CMTR1: variants seen among roughly 807,000 people sequenced by gnomAD.
CMTR1 encodes cap-specific mRNA (nucleoside-2'-O-)-methyltransferase 1.
In CMTR1, 39 loss-of-function variants were observed where a neutral mutation model predicts 107.0. The observed-to-expected ratio is 0.36, with a 90% CI of 0.28 to 0.48. The LOEUF is 0.48. Ranked by LOEUF, CMTR1 falls within the 20% of genes least tolerant of loss-of-function variation. The pLI is 0.99. For synonymous variants in CMTR1, 366 were observed against 379.5 expected (o/e 0.96, Z 0.41); for missense variants, 672 against 1,064.9 (o/e 0.63, Z 5.14).
At chr6:37,471,809 T>G in intron 14 of CMTR1, 38 bp from the exon 15 acceptor site, 2 of 1,608,316 alleles carry the variant, frequency 1.2e-6, no homozygotes, top group Non-Finnish European at 8.5e-7. Flanking sequence ...CCTGTGCCTC[T>G]TAGAGATTTT....
the CMTR1 span, among the ~76,000 whole-genome samples, chr6:37,426,381 T>C: frequency 6.6e-6 from 1 of 152,208 alleles, no homozygotes; most frequent in Non-Finnish European, 1.5e-5. Context: ...GACATATGCA[T>C]CTAAGATGGT....
intron 5 of CMTR1, 33 bp downstream of exon 5, chr6:37,450,376 T>C: frequency 6.5e-7 from 1 of 1,530,738 alleles, no homozygotes; most frequent in African/African-American, 1.4e-5. Flanking sequence ...CCTGACTTCT[T>C]GGCATTCTCT....
At position 37,473,559 on chromosome 6, in the gene CMTR1, C is replaced by T. The variant is rs761403915; in HGVS notation, c.1779C>T (p.Cys593=). The change falls in exon 17 of 24, where the codon TGC becomes TGT. Residue 593 remains cysteine (C), a synonymous_variant. Coordinates refer to ENST00000373451, the MANE Select transcript of CMTR1 (RefSeq NM_015050.3). Reference sequence around the variant, plus strand: ...TCCGCCCTGTGTTTGACTACCGCTGCATGGTATCTGGCAGTGAGCAGAAGT... The same window carrying T: ...TCCGCCCTGTGTTTGACTACCGCTGTATGGTATCTGGCAGTGAGCAGAAGT... The part of the protein sequence containing the change: ...EKIRPVFDYR[C]MVSGSEQKFL... 6.2e-7 allele frequency: 1 copy of T among 1,614,140 alleles called. No homozygotes were observed. The highest frequency in any genetic ancestry group is 8.5e-7 in the Non-Finnish European group (1 of 1,180,010).
chr6:37,469,924 T>G (rs895409213), intron 13 of CMTR1, among the ~76,000 whole-genome samples: 2 of 151,944 alleles, frequency 1.3e-5, no homozygotes, highest in Non-Finnish European at 2.9e-5. Context: ...TGATCTGTTT[T>G]TTTTTTTCAC....
At chr6:37,426,219 T>C in the CMTR1 span, among the ~76,000 whole-genome samples, 5 of 152,226 alleles carry the variant, frequency 3.3e-5, no homozygotes, top group Non-Finnish European at 1.5e-5. Context: ...CTTTAGTTCT[T>C]TGAGCATCTT....
intron 4 of CMTR1, among the ~76,000 whole-genome samples, chr6:37,447,598 C>A (rs1285204254): frequency 6.6e-6 from 1 of 152,218 alleles, no homozygotes; most frequent in Non-Finnish European, 1.5e-5. Flanking sequence ...TGGTGGCTTA[C>A]GCCTATAATC....
rs7766926 is a variant in CMTR1, at chr6:37,439,380, C to G, written c.133+3618C>G. Among the ~76,000 whole-genome samples the G allele has an allele frequency of 2.2e-3, 335 of 152,338 alleles. 1 individual carries two copies. Among genetic ancestry groups the G allele is most frequent in the African/African-American group, 7.6e-3 (314 of 41,574 alleles). On this transcript the variant is annotated intron_variant, in intron 2 of 23. Transcript: ENST00000373451. Reference sequence around the variant, plus strand: ...TCTAGACCCTAAGAAAATTCCTTCTCTCCTTAGCTGTGCATCTGGTGTAGG... The same window carrying G: ...TCTAGACCCTAAGAAAATTCCTTCTGTCCTTAGCTGTGCATCTGGTGTAGG...
At chr6:37,476,090 T>G (rs751431824) in intron 19 of CMTR1, 36 bp from the exon 20 acceptor site, 1 of 1,609,014 alleles carries the variant, frequency 6.2e-7, no homozygotes, top group African/African-American at 1.3e-5. Flanking sequence ...GGAGGCATCC[T>G]TGGCTTGCCT....
At chr6:37,471,759 C>A in intron 14 of CMTR1, 88 bp from the exon 15 acceptor site, 1 of 1,165,132 alleles carries the variant, frequency 8.6e-7, no homozygotes, top group Non-Finnish European at 1.3e-6. Flanking sequence ...TTCATTCAGG[C>A]CTCCTCTCTA....
chr6:37,476,955 T>C (rs1761751028), intron 20 of CMTR1, among the ~76,000 whole-genome samples: 1 of 152,278 alleles, frequency 6.6e-6, no homozygotes, highest in Non-Finnish European at 1.5e-5. Flanking sequence ...TAAAATGTCC[T>C]GTCTGCTAGG....
At chr6:37,462,238 G>T (rs1303500543) in intron 12 of CMTR1, 136 bp downstream of exon 12, 3 of 1,019,002 alleles carry the variant, frequency 2.9e-6, no homozygotes, top group African/African-American at 3.2e-5. Context: ...GAGCCAACAG[G>T]ATTCAGGATT....
chr6:37,477,452 G>A (rs1004983403), intron 20 of CMTR1, 140 bp from the exon 21 acceptor site: 24 of 738,524 alleles, frequency 3.2e-5, no homozygotes, highest in African/African-American at 1.4e-4. Flanking sequence ...TGGTGTCCTC[G>A]CTGCCGGTGG....
In CMTR1 at chr6:37,481,057, A is replaced by G. The variant is rs937672071; in HGVS notation, c.*912A>G. 1.5e-6 allele frequency: 2 copies of G among 1,304,184 alleles called. No individual in the cohort carries two copies. Among genetic ancestry groups the G allele is most frequent in the African/African-American group, 3.0e-5 (2 of 65,870 alleles). The allele number at this position is 1,304,184 out of a possible 1,614,324, so 80.8% of individuals were successfully genotyped here. On this transcript the variant is annotated 3_prime_UTR_variant, in exon 24 of 24. Coordinates refer to ENST00000373451, the MANE Select transcript of CMTR1 (RefSeq NM_015050.3). ...GCCATAGCCGCTCTAGGGTCTTGGCAGAATTCTGAGCTTGAAGTGCAGCTC... is the reference window on the plus strand; with the variant it reads ...GCCATAGCCGCTCTAGGGTCTTGGCGGAATTCTGAGCTTGAAGTGCAGCTC...
intron 10 of CMTR1, among the ~76,000 whole-genome samples, chr6:37,460,124 GT>G (rs1761370416): frequency 6.6e-6 from 1 of 152,222 alleles, no homozygotes; most frequent in African/African-American, 2.4e-5. Context: ...CTCTCACCCA[GT>G]AATCTGACAA....
intron 5 of CMTR1, among the ~76,000 whole-genome samples, chr6:37,451,009 G>A (rs769849872): frequency 2.6e-5 from 4 of 151,998 alleles, no homozygotes; most frequent in Non-Finnish European, 5.9e-5. Context: ...GACAGATGCT[G>A]AAGAAATTTG....
rs183699274 is a variant in CMTR1 at position 37,459,545 on chromosome 6, A to G, written c.977-21A>G. The G allele has an allele frequency of 3.6e-4, 578 of 1,602,926 alleles. 10 individuals are homozygous for G. The East Asian group carries it at 0.012, about 32-fold the overall frequency. The stretch of plus-strand genomic sequence containing the variant: ...CATGTATAGGGCAGATGAACTCACT[A>G]TGACTCTTGTATTCTGACAGGTGAG... On this transcript the variant is annotated intron_variant, in intron 9 of 23. Coordinates refer to ENST00000373451, the MANE Select transcript of CMTR1 (RefSeq NM_015050.3).
intron 8 of CMTR1, among the ~76,000 whole-genome samples, chr6:37,457,686 A>G (rs1408238680): frequency 6.6e-6 from 1 of 152,234 alleles, no homozygotes; most frequent in Non-Finnish European, 1.5e-5. Context: ...ATCAAAAATT[A>G]TTCCAAAATA....
chr6:37,481,200 G>A lies in CMTR1; in HGVS notation c.*1055G>A. The A allele has an allele frequency of 7.7e-7, 1 of 1,303,442 alleles. No homozygotes were observed. Among genetic ancestry groups the A allele is most frequent in the Non-Finnish European group, 1.0e-6 (1 of 988,688 alleles). 80.7% of individuals were successfully genotyped at this position (1,303,442 alleles called of 1,614,324 possible). ...TTGGCCGACAACACAGAGAGGAGGG[G>A]GAGCTGGGCAGTAGCTTGGGGTGGG... On this transcript the variant is annotated 3_prime_UTR_variant, in exon 24 of 24. Coordinates refer to ENST00000373451, the MANE Select transcript of CMTR1 (RefSeq NM_015050.3).
chr6:37,480,255 A>G lies in CMTR1; in HGVS notation c.*110A>G, dbSNP rs1761827909. 1 of 1,515,768 alleles carries G rather than the reference A, an allele frequency of 6.6e-7. No homozygotes were observed. The highest frequency in any genetic ancestry group is 1.4e-5 in the African/African-American group (1 of 69,596). The allele number at this position is 1,515,768 out of a possible 1,614,324, so 93.9% of individuals were successfully genotyped here. A position where few individuals can be genotyped will look rare whatever the true frequency, so the allele number is the denominator to read the frequency against. ...CCCTCTTGAAAAGGGACTGGGGAGC[A>G]TTGCACCTGGCATGAGGAGTGGGTG... is the stretch of plus-strand genomic sequence containing the variant. On this transcript the variant is annotated 3_prime_UTR_variant, in exon 24 of 24. Transcript: ENST00000373451.
Sources: allele counts gnomAD v4.1 joint callset (sites outside exome capture counted in the v4.1 genomes callset), GRCh38; gene constraint gnomAD v4.1.1; transcripts MANE v1.5; gene names NCBI Gene and HGNC (gene_info 2026-07-23, HGNC 2026-07-21).